Variants in HADHA observed in about 807,000 individuals in gnomAD.
The protein encoded by HADHA is trifunctional enzyme subunit alpha, mitochondrial.
A neutral mutation model predicts 91.3 loss-of-function variants in HADHA; 59 were observed. The ratio of observed to expected loss-of-function variants is 0.65; its 90% CI spans 0.52 to 0.80. The LOEUF (loss-of-function observed/expected upper bound fraction) is 0.80. Among genes scored for constraint, HADHA ranks in the 30% least tolerant of loss-of-function variants. The pLI is 0.00. For synonymous variants in HADHA, 320 were observed against 338.9 expected, an observed-to-expected ratio of 0.94 and a Z score of 0.61; for missense variants, 800 against 927.6, an observed-to-expected ratio of 0.86 and a Z score of 1.79.
In HADHA at chr2:26,191,147, T is replaced by A. The variant is rs1360388686; in HGVS notation, c.*103A>T. On this transcript the variant is annotated 3_prime_UTR_variant, in exon 20 of 20. Coordinates refer to ENST00000380649, the MANE Select transcript of HADHA (RefSeq NM_000182.5). Reference sequence around the variant, plus strand: ...AGGGAGCAAACCCAGTGCCGGAGTTTGTCTTCTCGTTACTCTGATAAATCT... The same window carrying A: ...AGGGAGCAAACCCAGTGCCGGAGTTAGTCTTCTCGTTACTCTGATAAATCT... 2 of 1,205,860 alleles carry A rather than the reference T, an allele frequency of 1.7e-6. No homozygotes were observed. Among genetic ancestry groups the A allele is most frequent in the East Asian group, 2.3e-5 (1 of 42,580 alleles). 74.7% of individuals were successfully genotyped at this position (1,205,860 alleles called of 1,614,324 possible).
chr2:26,203,844 T>C (rs182031118), intron 12 of HADHA, among the ~76,000 whole-genome samples: 29 of 152,336 alleles, frequency 1.9e-4, no homozygotes, highest in Non-Finnish European at 2.9e-4. Context: ...GTCTATGATA[T>C]CTATAACAAA....
At position 26,193,675 on chromosome 2, in the gene HADHA, G is replaced by A; in HGVS notation, c.1787C>T (p.Ala596Val). The change falls in exon 17 of 20, where the codon GCG becomes GTG. Residue 596 changes from alanine (A) to valine (V), a missense_variant. By Grantham distance (64) the Ala-to-Val change is moderately conservative. Coordinates refer to ENST00000380649, the MANE Select transcript of HADHA (RefSeq NM_000182.5). ...GCCCAGATCTTCCGCCACATGTTTCGCTACATCCACACCAACTTCATCCAC... is the reference window on the plus strand; with the variant it reads ...GCCCAGATCTTCCGCCACATGTTTCACTACATCCACACCAACTTCATCCAC... ...TLVDEVGVDV[A>V]KHVAEDLGKV... 5 of 1,613,920 alleles carry A rather than the reference G, an allele frequency of 3.1e-6. No individual in the cohort carries two copies. In the South Asian group the frequency reaches 4.4e-5, roughly 14 times the overall value.
intron 7 of HADHA, 71 bp from the exon 8 acceptor site, chr2:26,215,246 C>G: frequency 6.2e-6 from 9 of 1,441,016 alleles, no homozygotes; most frequent in Non-Finnish European, 8.8e-6. Context: ...AAAACCCAGA[C>G]TTGCCAAAGC....
At position 26,195,209 on chromosome 2, in the gene HADHA, A is replaced by T; in HGVS notation, c.1503T>A (p.Ser501=). 6.2e-7 allele frequency: 1 copy of T among 1,613,228 alleles called. No individual in the cohort carries two copies. Among genetic ancestry groups the T allele is most frequent in the Non-Finnish European group, 8.5e-7 (1 of 1,179,268 alleles). The change falls in exon 15 of 20, where the codon TCT becomes TCA. Residue 501 remains serine (S), a synonymous_variant. Transcript: ENST00000380649. ...PEKVIGMHYF[S]PVDKMQLLEI... ...CCAGCAGCTGCATCTTGTCCACGGGAGAGAAGTAGTGCATGCCAATCACCT... is the reference window on the plus strand; with the variant it reads ...CCAGCAGCTGCATCTTGTCCACGGGTGAGAAGTAGTGCATGCCAATCACCT...
chr2:26,204,454 T>A (rs1180980206), intron 11 of HADHA, among the ~76,000 whole-genome samples: 1 of 152,214 alleles, frequency 6.6e-6, no homozygotes, highest in African/African-American at 2.4e-5. Context: ...TGCTTCGAAA[T>A]CACTGAAATC....
chr2:26,223,560 G>A (rs941575009), intron 7 of HADHA, among the ~76,000 whole-genome samples: 7 of 152,134 alleles, frequency 4.6e-5, no homozygotes, highest in Non-Finnish European at 8.8e-5. Flanking sequence ...AGTGCACTGC[G>A]GTGTCATCTG....
chr2:26,235,541 A>T (rs1371895829), intron 4 of HADHA, among the ~76,000 whole-genome samples: 1 of 152,242 alleles, frequency 6.6e-6, no homozygotes, highest in African/African-American at 2.4e-5. Flanking sequence ...TGCCAGGTAC[A>T]TCAGTGTCTT....
chr2:26,191,156 G>A lies in HADHA; in HGVS notation c.*94C>T, dbSNP rs575343329. ...ACCCAGTGCCGGAGTTTGTCTTCTC[G>A]TTACTCTGATAAATCTAGACACCAC... On this transcript the variant is annotated 3_prime_UTR_variant, in exon 20 of 20. Coordinates refer to ENST00000380649, the MANE Select transcript of HADHA (RefSeq NM_000182.5). The A allele has an allele frequency of 1.5e-5, 20 of 1,317,886 alleles. No individual in the cohort carries two copies. Among genetic ancestry groups the A allele is most frequent in the Admixed American group, 5.2e-5 (3 of 57,942 alleles). 81.6% of individuals were successfully genotyped at this position (1,317,886 alleles called of 1,614,324 possible). A position where few individuals can be genotyped will look rare whatever the true frequency, so the allele number is the denominator to read the frequency against.
chr2:26,239,016 A>G lies in HADHA; in HGVS notation c.110-12T>C, dbSNP rs374839784. The G allele has an allele frequency of 1.6e-5, 26 of 1,597,170 alleles. No homozygotes were observed. The African/African-American group carries it at 3.5e-4, about 21-fold the overall frequency. On this transcript the variant is annotated splice_polypyrimidine_tract_variant and intron_variant, in intron 2 of 19. Coordinates refer to ENST00000380649, the MANE Select transcript of HADHA (RefSeq NM_000182.5). ...AATATGGGTTCTGGCTAAAAAGAAA[A>G]GAAAGATTTATTTGTAAACATATTT...
At chr2:26,204,619 C>G (rs1669929368) in intron 11 of HADHA, among the ~76,000 whole-genome samples, 1 of 152,124 alleles carries the variant, frequency 6.6e-6, no homozygotes, top group Non-Finnish European at 1.5e-5. Context: ...GTTTTGCTCC[C>G]TTACCCAGGC....
In HADHA at chr2:26,234,320, G is replaced by A. The variant is rs746063141; in HGVS notation, c.350C>T (p.Thr117Ile). ...TCTCTGTGCTTCTTGTGATAGCTGT[G>A]TTACTTCTTGAAGGGTCTTGCAAGC... ...LAACKTLQEV[T>I]QLSQEAQRIV... The change falls in exon 5 of 20, where the codon ACA (threonine) becomes ATA (isoleucine). Residue 117 changes from threonine to isoleucine, a missense_variant. Thr to Ile is a moderately conservative substitution (Grantham distance 89, BLOSUM62 -1). Transcript: ENST00000380649. 2 of 1,613,000 alleles carry A rather than the reference G, an allele frequency of 1.2e-6. No homozygotes were observed. The highest frequency in any genetic ancestry group is 1.7e-6 in the Non-Finnish European group (2 of 1,178,986).
At chr2:26,201,759 A>G (rs1175191228) in intron 12 of HADHA, among the ~76,000 whole-genome samples, 3 of 152,130 alleles carry the variant, frequency 2.0e-5, no homozygotes, top group Non-Finnish European at 4.4e-5. Context: ...TCGCAAATAT[A>G]TAATTTTATG....
intron 18 of HADHA, 114 bp downstream of exon 18, chr2:26,192,196 A>T (rs970788774): frequency 4.4e-6 from 3 of 680,648 alleles, no homozygotes; most frequent in Non-Finnish European, 7.9e-6. Flanking sequence ...AAACCTGCAC[A>T]TGTATCCCAG....
chr2:26,201,002 G>C (rs1339756390), intron 13 of HADHA, 147 bp downstream of exon 13: 1 of 714,628 alleles, frequency 1.4e-6, no homozygotes, highest in Non-Finnish European at 2.5e-6. Flanking sequence ...AAACTACTGG[G>C]ATTATAGGCG....
At chr2:26,200,078 G>A (rs564104621) in intron 13 of HADHA, among the ~76,000 whole-genome samples, 1 of 152,372 alleles carries the variant, frequency 6.6e-6, no homozygotes, top group South Asian at 2.1e-4. Context: ...GATCATGCCT[G>A]TGGAAGATTG....
At chr2:26,230,786 G>T (rs1220515533) in intron 6 of HADHA, among the ~76,000 whole-genome samples, 2 of 151,980 alleles carry the variant, frequency 1.3e-5, no homozygotes, top group Non-Finnish European at 1.5e-5. Flanking sequence ...GCTGGGCATG[G>T]TGGGGCACAC....
intron 13 of HADHA, among the ~76,000 whole-genome samples, chr2:26,199,827 G>A (rs766086451): frequency 6.6e-6 from 1 of 152,158 alleles, no homozygotes; most frequent in African/African-American, 2.4e-5. Flanking sequence ...GTGGTGAGAC[G>A]ACTAAGTGAG....
At chr2:26,206,991 AT>A (rs1574611246) in intron 11 of HADHA, among the ~76,000 whole-genome samples, 1 of 152,294 alleles carries the variant, frequency 6.6e-6, no homozygotes, top group East Asian at 1.9e-4. Context: ...TGAGGCCAGA[AT>A]TTTGAGATCA....
chr2:26,197,752 G>T lies in HADHA; in HGVS notation c.1418C>A (p.Ala473Asp), dbSNP rs772166712. ...GATTGGGAGAGCAGATGTGTTACTG[G>T]CAAAGATACAGTGATCTGGAATCAC... ...EAVIPDHCIF[A>D]SNTSALPISE... Residue 473 changes from alanine to aspartate, a missense_variant, in exon 14 of 20, where the codon GCC (alanine) becomes GAC (aspartate). By Grantham distance (126) the Ala-to-Asp change is moderately radical. Transcript: ENST00000380649. 9.7e-6 allele frequency: 15 copies of T among 1,542,130 alleles called. No homozygotes were observed. In the South Asian group the frequency reaches 1.3e-4, roughly 14 times the overall value.
Sources: gnomAD v4.1 joint callset for allele counts (sites outside exome capture counted in the v4.1 genomes callset) on GRCh38, gnomAD v4.1.1 for gene constraint, MANE v1.5 for transcripts, NCBI Gene and HGNC (gene_info 2026-07-23, HGNC 2026-07-21) for gene names.